DBN1: variants seen among roughly 807,000 people sequenced by gnomAD.
DBN1 encodes the protein drebrin.
In DBN1, 21 loss-of-function variants were observed where a neutral mutation model predicts 83.5. That is an observed-to-expected ratio of 0.25 (90% CI 0.18 to 0.36). The LOEUF (loss-of-function observed/expected upper bound fraction) is 0.36, where lower values mean the gene tolerates loss of function less well. DBN1 is among the 10% of genes least tolerant of loss of function. The pLI is 1.00. For missense variants in DBN1, 874 were observed against 935.7 expected, an observed-to-expected ratio of 0.93 and a Z score of 0.86; for synonymous variants, 381 against 384.9, an observed-to-expected ratio of 0.99 and a Z score of 0.12.
chr5:177,459,748 G>A lies in DBN1; in HGVS notation c.956-8C>T, dbSNP rs1756872016. On this transcript the variant is annotated splice_region_variant and splice_polypyrimidine_tract_variant and intron_variant, in intron 10 of 14. Transcript: ENST00000393565. ...AAGGGCAGTACGGACGACCTGCCGAGAGAGACAGACAGAGAAAGAGACAGA... is the reference window on the plus strand; with the variant it reads ...AAGGGCAGTACGGACGACCTGCCGAAAGAGACAGACAGAGAAAGAGACAGA... 3 of 1,490,784 alleles carry A rather than the reference G, an allele frequency of 2.0e-6. No homozygotes were observed. The highest frequency in any genetic ancestry group is 2.7e-6 in the Non-Finnish European group (3 of 1,117,192). The allele number at this position is 1,490,784 out of a possible 1,614,324, so 92.3% of individuals were successfully genotyped here. A position where few individuals can be genotyped will look rare whatever the true frequency, so the allele number is the denominator to read the frequency against.
intron 8 of DBN1, among the ~76,000 whole-genome samples, chr5:177,462,839 A>G (rs950670309): frequency 7.2e-5 from 11 of 152,094 alleles, no homozygotes; most frequent in African/African-American, 2.4e-4. Context: ...AATGAAGTCT[A>G]AACTCCTCCT....
intron 1 of DBN1, chr5:177,472,459 C>G: frequency 7.7e-7 from 1 of 1,298,000 alleles, no homozygotes; most frequent in Non-Finnish European, 9.8e-7. Context: ...AGGAACCCCT[C>G]GGTTTCCTTT....
intron 8 of DBN1, among the ~76,000 whole-genome samples, chr5:177,463,042 G>A (rs778648058): frequency 1.3e-5 from 2 of 151,716 alleles, no homozygotes; most frequent in Non-Finnish European, 2.9e-5. Context: ...TACCACAAAG[G>A]CTTTTTTTTT....
At position 177,458,685 on chromosome 5, in the gene DBN1, G is replaced by C. The variant is rs772416136; in HGVS notation, c.1287C>G (p.Ile429Met). 1.9e-6 allele frequency: 3 copies of C among 1,540,314 alleles called. No homozygotes were observed. Among genetic ancestry groups the C allele is most frequent in the East Asian group, 2.3e-5 (1 of 44,352 alleles). Residue 429 changes from isoleucine to methionine, a missense_variant, in exon 13 of 15, where the codon ATC becomes ATG. Physicochemically the swap from Ile to Met is conservative, Grantham distance 10. Transcript: ENST00000393565. ...CTGCTCTGGTCTCCTCACTGTCTAG[G>C]ATGGGGCTGGGCTCCTGGGTCTCTG... ...PAQETQEPSP[I>M]LDSEETRAAA...
chr5:177,459,340 C>A, intron 11 of DBN1, 72 bp from the exon 12 acceptor site: 2 of 1,559,560 alleles, frequency 1.3e-6, no homozygotes, highest in East Asian at 2.3e-5. Flanking sequence ...CACCTTGGGG[C>A]CTGGCCAGCA....
chr5:177,467,175 C>A lies in DBN1; in HGVS notation c.555+80G>T. 1 of 1,606,064 alleles carries A rather than the reference C, an allele frequency of 6.2e-7. No homozygotes were observed. The stretch of plus-strand genomic sequence containing the variant: ...GGCGGGGCACGTGGCATGGGCCATG[C>A]CACTGCAGTGAGGGACTCAGACCTG... On this transcript the variant is annotated intron_variant, in intron 6 of 14. Transcript: ENST00000393565. This position sits in a 1 kb window ranked among gnomAD's most constrained non-coding sequence, Gnocchi z 9.1.
At chr5:177,459,412 C>T (rs750463326) in intron 11 of DBN1, 144 bp from the exon 12 acceptor site, 1 of 1,417,464 alleles carries the variant, frequency 7.1e-7, no homozygotes, top group Non-Finnish European at 9.3e-7. Context: ...GGCCAGACTA[C>T]AGCTCCAGAC....
Position 177,459,710 on chromosome 5 carries a change from G to C in DBN1, c.986C>G (p.Ser329Trp). ...GRPYCPFIKA[S>W]DSGPSSSSSS... Reference sequence around the variant, plus strand: ...GGAGGAGGAGGAAGGCCCACTGTCCGATGCCTTTATGAAAGGGCAGTACGG... The same window carrying C: ...GGAGGAGGAGGAAGGCCCACTGTCCCATGCCTTTATGAAAGGGCAGTACGG... The change falls in exon 11 of 15, where the codon TCG becomes TGG. Residue 329 changes from serine (S) to tryptophan (W), a missense_variant. By Grantham distance (177) the Ser-to-Trp change is radical. Transcript: ENST00000393565. The C allele has an allele frequency of 6.3e-7, 1 of 1,578,754 alleles. No individual in the cohort carries two copies. The highest frequency in any genetic ancestry group is 8.6e-7 in the Non-Finnish European group (1 of 1,163,342).
At position 177,460,712 on chromosome 5, in the gene DBN1, C is replaced by G; in HGVS notation, c.772-9G>C. 3 of 1,613,594 alleles carry G rather than the reference C, an allele frequency of 1.9e-6. No individual in the cohort carries two copies. The highest frequency in any genetic ancestry group is 2.5e-6 in the Non-Finnish European group (3 of 1,179,848). On this transcript the variant is annotated splice_polypyrimidine_tract_variant and intron_variant, in intron 8 of 14. Coordinates refer to ENST00000393565, the MANE Select transcript of DBN1 (RefSeq NM_001363541.2). ...TCATCCCGATGGTCACCCTAGAAACCAAAGGGACAGTGTCTGGTGCACCTA... is the reference window on the plus strand; with the variant it reads ...TCATCCCGATGGTCACCCTAGAAACGAAAGGGACAGTGTCTGGTGCACCTA...
chr5:177,459,636 G>T lies in DBN1; in HGVS notation c.1060C>A (p.His354Asn). 6.3e-7 allele frequency: 1 copy of T among 1,575,308 alleles called. No individual in the cohort carries two copies. Among genetic ancestry groups the T allele is most frequent in the Non-Finnish European group, 8.6e-7 (1 of 1,161,048 alleles). ...GAGGAAGAGAGGTTTGGGGTGCGGTGGCAGGTGATATAGGGAAAGGGAGTC... is the reference window on the plus strand; with the variant it reads ...GAGGAAGAGAGGTTTGGGGTGCGGTTGCAGGTGATATAGGGAAAGGGAGTC... The part of the protein sequence containing the change: ...PRTPFPYITC[H>N]RTPNLSSSLP... Residue 354 changes from histidine (H) to asparagine (N), a missense_variant, in exon 11 of 15, where the codon CAC becomes AAC. Physicochemically the swap from His to Asn is moderately conservative, Grantham distance 68. Around this residue, in one of 4 missense-constraint regions of DBN1, gnomAD observed 725 missense variants for 719.7 expected, o/e 1.01. Transcript: ENST00000393565.
In DBN1 at chr5:177,460,637, C is replaced by T. The variant is rs1484201915; in HGVS notation, c.831+7G>A. 21 of 1,614,068 alleles carry T rather than the reference C, an allele frequency of 1.3e-5. No homozygotes were observed. Among genetic ancestry groups the T allele is most frequent in the Non-Finnish European group, 1.7e-5 (20 of 1,180,024 alleles). ...TGCCTCACCTGGCTGGTGCCCCCAG[C>T]TCTCACCTCCACCTCCGACTCTGAC... On this transcript the variant is annotated splice_region_variant and intron_variant, in intron 9 of 14. Coordinates refer to ENST00000393565, the MANE Select transcript of DBN1 (RefSeq NM_001363541.2).
At chr5:177,462,435 A>G (rs1047058819) in intron 8 of DBN1, 2 of 984,794 alleles carry the variant, frequency 2.0e-6, no homozygotes, top group East Asian at 1.1e-4. Context: ...AGGCTTGTTC[A>G]GGTCATTTCC....
Position 177,473,583 on chromosome 5 carries a change from G to T in DBN1, c.-62C>A. ...GGACGGACGGGCGGACGGAGGAGGA[G>T]GGAGGGAAAGAGGGAGTCGCCGCCG... On this transcript the variant is annotated 5_prime_UTR_variant, in exon 1 of 15. Transcript: ENST00000393565. The T allele has an allele frequency of 8.3e-7, 1 of 1,208,744 alleles. No individual in the cohort carries two copies. Among genetic ancestry groups the T allele is most frequent in the South Asian group, 2.3e-5 (1 of 43,710 alleles). The allele number at this position is 1,208,744 out of a possible 1,614,324, so 74.9% of individuals were successfully genotyped here.
Position 177,467,632 on chromosome 5 carries a change from C to T in DBN1, c.331-5G>A, listed in dbSNP as rs1757541970. On this transcript the variant is annotated splice_region_variant and splice_polypyrimidine_tract_variant and intron_variant, in intron 4 of 14. Transcript: ENST00000393565. This position sits in a 1 kb window ranked among gnomAD's most constrained non-coding sequence, Gnocchi z 9.1. ...GTTCACGATCACGTCGACACCCTTC[C>T]GCAAGAAGACGGCAGTGCTCAGGCG... The T allele has an allele frequency of 6.4e-6, 10 of 1,570,580 alleles. No individual in the cohort carries two copies. Among genetic ancestry groups the T allele is most frequent in the Non-Finnish European group, 6.0e-6 (7 of 1,157,762 alleles).
chr5:177,466,753 G>C lies in DBN1; in HGVS notation c.771+19C>G. The C allele has an allele frequency of 6.2e-7, 1 of 1,613,772 alleles. No homozygotes were observed. The highest frequency in any genetic ancestry group is 8.5e-7 in the Non-Finnish European group (1 of 1,179,644). ...CACTTCCCTGACCCAGAGACCGGGAGCCTTGGCAAAGAACTTACAAAGATA... is the reference window on the plus strand; with the variant it reads ...CACTTCCCTGACCCAGAGACCGGGACCCTTGGCAAAGAACTTACAAAGATA... On this transcript the variant is annotated intron_variant, in intron 8 of 14. Transcript: ENST00000393565. This position sits in a 1 kb window ranked among gnomAD's most constrained non-coding sequence, Gnocchi z 4.8.
At chr5:177,472,184 A>G (rs1014666334) in intron 1 of DBN1, 4 of 1,613,498 alleles carry the variant, frequency 2.5e-6, no homozygotes, top group Non-Finnish European at 3.4e-6. Context: ...CCAGTGCTGC[A>G]GTACCATGCC....
chr5:177,470,130 T>C (rs138760342), intron 1 of DBN1, among the ~76,000 whole-genome samples: 41 of 152,304 alleles, frequency 2.7e-4, no homozygotes, highest in Non-Finnish European at 5.4e-4. Context: ...CCCGGCTTCC[T>C]ACCTCCAGGA....
Position 177,467,450 on chromosome 5 carries a change from C to A in DBN1, c.477+31G>T. Reference sequence around the variant, plus strand: ...AGACTCGGGCACCAGGCCACGCAGGCAGAGCCCACGGGTGCCAAACACACA... The same window carrying A: ...AGACTCGGGCACCAGGCCACGCAGGAAGAGCCCACGGGTGCCAAACACACA... On this transcript the variant is annotated intron_variant, in intron 5 of 14. Coordinates refer to ENST00000393565, the MANE Select transcript of DBN1 (RefSeq NM_001363541.2). The surrounding 1 kb of genome is among the most constrained non-coding windows in gnomAD (Gnocchi z 9.1). 2 of 1,609,102 alleles carry A rather than the reference C, an allele frequency of 1.2e-6. No homozygotes were observed. Among genetic ancestry groups the A allele is most frequent in the Non-Finnish European group, 1.7e-6 (2 of 1,177,006 alleles).
intron 1 of DBN1, among the ~76,000 whole-genome samples, chr5:177,469,146 C>A (rs1018727681): frequency 2.0e-5 from 3 of 152,118 alleles, no homozygotes; most frequent in African/African-American, 7.2e-5. Flanking sequence ...GAGCTCAGTG[C>A]GCAGCATCCC....
Sources: allele counts gnomAD v4.1 joint callset (sites outside exome capture counted in the v4.1 genomes callset), GRCh38; gene constraint gnomAD v4.1.1; regional missense constraint gnomAD v4.1.1; non-coding constraint Gnocchi (gnomAD v3.1); transcripts MANE v1.5; gene names NCBI Gene and HGNC (gene_info 2026-07-23, HGNC 2026-07-21).